RASGRP3: variants seen among roughly 807,000 people sequenced by gnomAD.
RASGRP3 encodes the protein RAS guanyl releasing protein 3.
Under a neutral mutation model 82.7 loss-of-function variants are expected in RASGRP3, and 54 were observed. The observed-to-expected ratio is 0.65, with a 90% CI of 0.52 to 0.82. The LOEUF (loss-of-function observed/expected upper bound fraction) is 0.82. RASGRP3 is among the 40% of genes least tolerant of loss of function. The pLI, the probability that RASGRP3 is intolerant of heterozygous loss-of-function variation, is 0.00. For missense variants in RASGRP3, 861 were observed against 828.9 expected (o/e 1.04, Z -0.48); for synonymous variants, 309 against 300.5 (o/e 1.03, Z -0.29).
At chr2:33,488,036 C>G (rs1668540845) in intron 1 of RASGRP3, among the ~76,000 whole-genome samples, 1 of 152,152 alleles carries the variant, frequency 6.6e-6, no homozygotes, top group Non-Finnish European at 1.5e-5. Flanking sequence ...TAAACTTATA[C>G]ATTTATTTTC....
At chr2:33,473,496 T>C (rs992431639), upstream of RASGRP3, among the ~76,000 whole-genome samples, 2 of 152,170 alleles carry the variant, frequency 1.3e-5, no homozygotes, top group African/African-American at 4.8e-5. Context: ...GCGTGGTTGT[T>C]GTCGAGAGTC....
At chr2:33,496,978 C>T (rs79247673) in intron 1 of RASGRP3, among the ~76,000 whole-genome samples, 2,756 of 152,300 alleles carry the variant, frequency 0.018, 142 homozygotes, top group East Asian at 0.14. Flanking sequence ...AGTGTAAATA[C>T]AGCTTTAGAT....
intron 1 of RASGRP3, among the ~76,000 whole-genome samples, chr2:33,446,194 G>C (rs1665490102): frequency 6.6e-6 from 1 of 152,208 alleles, no homozygotes; most frequent in Admixed American, 6.5e-5. Context: ...GTCTCGCTCT[G>C]TCGCCCAGGC....
chr2:33,479,495 G>T (rs1014967213), intron 1 of RASGRP3, among the ~76,000 whole-genome samples: 1 of 152,122 alleles, frequency 6.6e-6, no homozygotes, highest in Non-Finnish European at 1.5e-5. Context: ...AGCCTGGAAG[G>T]TTGGTTGTCC....
intron 7 of RASGRP3, among the ~76,000 whole-genome samples, chr2:33,522,310 G>A (rs1298932612): frequency 2.6e-5 from 4 of 152,032 alleles, no homozygotes; most frequent in Non-Finnish European, 5.9e-5. Context: ...TATTTCTGTC[G>A]CTATTTTCAA....
intron 1 of RASGRP3, among the ~76,000 whole-genome samples, chr2:33,487,502 T>A (rs1668497652): frequency 6.6e-6 from 1 of 152,200 alleles, no homozygotes; most frequent in Admixed American, 6.5e-5. Context: ...TTAATTTGAA[T>A]AATCAGCATA....
intron 1 of RASGRP3, among the ~76,000 whole-genome samples, chr2:33,501,451 T>A (rs941804424): frequency 3.9e-5 from 6 of 152,228 alleles, no homozygotes; most frequent in African/African-American, 1.4e-4. Context: ...ACTCTATGTT[T>A]AAGTTTTTGA....
At chr2:33,496,924 T>A (rs1395005209) in intron 1 of RASGRP3, among the ~76,000 whole-genome samples, 1 of 152,184 alleles carries the variant, frequency 6.6e-6, no homozygotes, top group Non-Finnish European at 1.5e-5. Flanking sequence ...TTTAGATGCA[T>A]GAAAGCAATA....
At chr2:33,440,384 A>G (rs770318813) in intron 1 of RASGRP3, among the ~76,000 whole-genome samples, 72 of 152,234 alleles carry the variant, frequency 4.7e-4, no homozygotes, top group Non-Finnish European at 6.9e-4. Flanking sequence ...CATGTCCATG[A>G]TCACATCATT....
chr2:33,530,879 A>T (rs1673054957), intron 10 of RASGRP3: 1 of 152,180 alleles, frequency 6.6e-6, no homozygotes, highest in Admixed American at 6.5e-5. Flanking sequence ...TCTGGAGAGG[A>T]CATTTGCCTT....
At chr2:33,501,048 A>G (rs778706521) in intron 1 of RASGRP3, among the ~76,000 whole-genome samples, 8 of 152,222 alleles carry the variant, frequency 5.3e-5, no homozygotes, top group African/African-American at 1.9e-4. Flanking sequence ...TCCAAAAAGA[A>G]ACGGTGAACC....
chr2:33,536,175 G>A (rs1039558180), intron 11 of RASGRP3, among the ~76,000 whole-genome samples: 5 of 151,882 alleles, frequency 3.3e-5, no homozygotes, highest in Non-Finnish European at 7.4e-5. Context: ...GCTAGCATGT[G>A]CCTGTAGTTC....
chr2:33,468,635 C>G (rs543267182), intron 2 of RASGRP3, among the ~76,000 whole-genome samples: 1 of 152,124 alleles, frequency 6.6e-6, no homozygotes, highest in African/African-American at 2.4e-5. Context: ...CTCCTGACCT[C>G]GTGATCCACC....
chr2:33,520,510 A>G, intron 5 of RASGRP3, 43 bp from the exon 6 acceptor site: 5 of 1,609,812 alleles, frequency 3.1e-6, no homozygotes, highest in Non-Finnish European at 3.4e-6. Context: ...TAGATAACCA[A>G]CTTGCAATCT....
chr2:33,462,711 T>C (rs1490299449), intron 2 of RASGRP3, among the ~76,000 whole-genome samples: 2 of 152,208 alleles, frequency 1.3e-5, no homozygotes, highest in African/African-American at 2.4e-5. Context: ...TTTCCTGTGA[T>C]TCTCACGAAG....
At chr2:33,553,086 T>A (rs1196747386) in intron 14 of RASGRP3, among the ~76,000 whole-genome samples, 3 of 131,890 alleles carry the variant, frequency 2.3e-5, no homozygotes, top group African/African-American at 8.5e-5. Flanking sequence ...GCACCCTTGC[T>A]TGACTGTATC....
rs1220987575 is a variant in RASGRP3, at chr2:33,479,236, T to G, written c.-261+2529T>G. On this transcript the variant is annotated intron_variant, in intron 1 of 17. Coordinates refer to ENST00000403687, the MANE Select transcript of RASGRP3 (RefSeq NM_001139488.2). ...ACAGTCCAAGCCCAAGCTCTCTCTA[T>G]AGGATCGCTGGCTGGTGGCATGTTT... 3.3e-5 allele frequency among the ~76,000 whole-genome samples: 5 copies of G among 152,208 alleles called. No individual in the cohort carries two copies. The South Asian group carries it at 1.0e-3, about 32-fold the overall frequency.
intron 12 of RASGRP3, among the ~76,000 whole-genome samples, chr2:33,542,259 C>T (rs1674345323): frequency 6.8e-6 from 1 of 146,454 alleles, no homozygotes; most frequent in South Asian, 2.2e-4. Context: ...TTGATAAATT[C>T]CTATACATAC....
chr2:33,509,506 C>T (rs1205681037), intron 1 of RASGRP3, among the ~76,000 whole-genome samples: 2 of 152,208 alleles, frequency 1.3e-5, no homozygotes, highest in African/African-American at 2.4e-5. Context: ...ACAATACTGT[C>T]ATGAGCTACT....
Sources: gnomAD v4.1 joint callset for allele counts (sites outside exome capture counted in the v4.1 genomes callset) on GRCh38, gnomAD v4.1.1 for gene constraint, MANE v1.5 for transcripts, NCBI Gene and HGNC (gene_info 2026-07-23, HGNC 2026-07-21) for gene names.